Variants in GBP7 observed in about 807,000 individuals in gnomAD.
GBP7 encodes guanylate-binding protein 7.
In GBP7, 43 loss-of-function variants were observed where a neutral mutation model predicts 61.3. That is an observed-to-expected ratio of 0.70 (90% CI 0.55 to 0.91). The LOEUF (loss-of-function observed/expected upper bound fraction) is 0.91, where lower values mean the gene tolerates loss of function less well. Ranked by LOEUF, GBP7 falls within the 40% of genes least tolerant of loss-of-function variation. The probability of loss-of-function intolerance (pLI) is 0.00; values close to 1 mark genes in which losing one functional copy is unlikely to be tolerated. For synonymous variants in GBP7, 267 were observed against 271.0 expected (o/e 0.99, Z 0.14); for missense variants, 717 against 740.5 (o/e 0.97, Z 0.37).
intron 3 of GBP7, among the ~76,000 whole-genome samples, chr1:89,157,943 A>G (rs922465006): frequency 7.9e-5 from 12 of 152,220 alleles, no homozygotes; most frequent in African/African-American, 2.9e-4. Flanking sequence ...CCTGATGAAC[A>G]TCAGTGCAAA....
chr1:89,149,473 G>A lies in GBP7; in HGVS notation c.971C>T (p.Ser324Leu), dbSNP rs746954697. The stretch of plus-strand genomic sequence containing the variant: ...GTTGGCTGCCCTCTGCACGGCTGCT[G>A]AGTTCTCACACTGGGCCAGAACTGC... ...AMAVLAQCEN[S>L]AAVQRAANHY... is the part of the protein sequence containing the mutation. Residue 324 changes from serine to leucine, a missense_variant, in exon 7 of 11, where the codon TCA (serine) becomes TTA (leucine). This residue lies in a region of GBP7 where 387 missense variants were observed against 385.2 expected (regional missense o/e 1.00). Transcript: ENST00000294671. 6.1e-5 allele frequency: 98 copies of A among 1,614,026 alleles called. 1 individual carries two copies. Among genetic ancestry groups the A allele is most frequent in the Non-Finnish European group, 6.8e-6 (8 of 1,180,036 alleles).
chr1:89,149,273 A>G lies in GBP7; in HGVS notation c.1152+19T>C, dbSNP rs1682135943. On this transcript the variant is annotated intron_variant, in intron 7 of 10. Transcript: ENST00000294671. ...CCAGAAAGGCAGGAATCAAGAAAAA[A>G]AAAAATAACAAAGATTACCACAAGC... 6.3e-7 allele frequency: 1 copy of G among 1,576,028 alleles called. No individual in the cohort carries two copies. Among genetic ancestry groups the G allele is most frequent in the African/African-American group, 1.4e-5 (1 of 73,126 alleles).
At chr1:89,142,184 T>C (rs992180267) in intron 8 of GBP7, among the ~76,000 whole-genome samples, 1 of 146,694 alleles carries the variant, frequency 6.8e-6, no homozygotes, top group Non-Finnish European at 1.5e-5. Flanking sequence ...GTTAAAACCT[T>C]AAAAAGACCG....
intron 3 of GBP7, among the ~76,000 whole-genome samples, chr1:89,162,007 C>G (rs1268010118): frequency 2.0e-5 from 3 of 149,284 alleles, no homozygotes; most frequent in African/African-American, 7.4e-5. Flanking sequence ...GTTATCCCAG[C>G]ACCATTTATT....
At chr1:89,135,628 T>A (rs1681782561) in intron 9 of GBP7, among the ~76,000 whole-genome samples, 1 of 152,138 alleles carries the variant, frequency 6.6e-6, no homozygotes, top group Non-Finnish European at 1.5e-5. Flanking sequence ...AAATCCTTTT[T>A]AGACAAGCAA....
intron 1 of GBP7, among the ~76,000 whole-genome samples, chr1:89,174,450 C>T (rs917066953): frequency 6.6e-6 from 1 of 152,146 alleles, no homozygotes; most frequent in African/African-American, 2.4e-5. Context: ...ACAAAATTTC[C>T]TTTGGAAGCT....
Position 89,168,950 on chromosome 1 carries a change from CAA to C in GBP7, c.190+2794_190+2795del, listed in dbSNP as rs1647520923. The stretch of plus-strand genomic sequence containing the variant: ...CGCCATTGCACTCCAGCCTGGGCAA[CAA>C]GAGCGAAACTCCGCCTCAAGTTAAA... On this transcript the variant is annotated intron_variant, in intron 2 of 10. Coordinates refer to ENST00000294671, the MANE Select transcript of GBP7 (RefSeq NM_207398.3). Among the ~76,000 whole-genome samples the C allele has an allele frequency of 2.7e-5, 4 of 148,890 alleles. No homozygotes were observed. In the South Asian group the frequency reaches 8.5e-4, roughly 32 times the overall value.
In GBP7 at chr1:89,152,422, G is replaced by C; in HGVS notation, c.471C>G (p.Cys157Trp). The C allele has an allele frequency of 2.5e-6, 4 of 1,614,132 alleles. No individual in the cohort carries two copies. In the South Asian group the frequency reaches 3.3e-5, roughly 13 times the overall value. Reference protein sequence around the residue: ...ELTELIRAKSCPRPDEVEDSS... With the variant: ...ELTELIRAKSWPRPDEVEDSS... ...AGTCCTCAACTTCATCAGGTCTGGG[G>C]CACGATTTTGCCCTGATTAGCTCTG... The change falls in exon 5 of 11, where the codon TGC (cysteine) becomes TGG (tryptophan). Residue 157 changes from cysteine (C) to tryptophan (W), a missense_variant. Transcript: ENST00000294671.
At chr1:89,141,452 G>C (rs1408659825) in intron 9 of GBP7, 94 bp downstream of exon 9, 3 of 1,056,762 alleles carry the variant, frequency 2.8e-6, no homozygotes, top group Admixed American at 2.1e-5. Context: ...TGAGAAGAAA[G>C]CTCCTGGTAT....
intron 2 of GBP7, among the ~76,000 whole-genome samples, chr1:89,170,852 C>T (rs74098341): frequency 0.043 from 6,510 of 152,256 alleles, 449 homozygotes; most frequent in African/African-American, 0.15. Flanking sequence ...CACAATCTTG[C>T]AAGTGGCCTT....
chr1:89,133,404 T>G lies in GBP7; in HGVS notation c.1516A>C (p.Arg506=), dbSNP rs776600889. ...TGCTGCTGTTCCTTCTGTTTTTGTC[T>G]TAGCAGCTCCTGTTCCTTTTCAGCT... ...EAAEKEQELL[R]QKQKEQQQMM... is the part of the protein sequence containing the mutation. Residue 506 remains arginine (R), a synonymous_variant, in exon 10 of 11, where the codon AGA becomes CGA. Coordinates refer to ENST00000294671, the MANE Select transcript of GBP7 (RefSeq NM_207398.3). 12 of 1,614,032 alleles carry G rather than the reference T, an allele frequency of 7.4e-6. No individual in the cohort carries two copies. Among genetic ancestry groups the G allele is most frequent in the Non-Finnish European group, 9.3e-6 (11 of 1,180,016 alleles).
chr1:89,137,737 A>G (rs761110857), intron 9 of GBP7, among the ~76,000 whole-genome samples: 20 of 152,222 alleles, frequency 1.3e-4, no homozygotes, highest in Non-Finnish European at 2.6e-4. Context: ...TTGAGAACCA[A>G]AAACAGACAA....
At chr1:89,159,277 A>C (rs894488974) in intron 3 of GBP7, among the ~76,000 whole-genome samples, 2 of 152,180 alleles carry the variant, frequency 1.3e-5, no homozygotes, top group Non-Finnish European at 2.9e-5. Flanking sequence ...AACCTAGGCA[A>C]TACCATTCAG....
At position 89,175,412 on chromosome 1, in the gene GBP7, A is replaced by C. The variant is rs147505255; in HGVS notation, c.-20+509T>G. 3.0e-3 allele frequency among the ~76,000 whole-genome samples: 458 copies of C among 152,328 alleles called. 3 individuals carry two copies. The highest frequency in any genetic ancestry group is 0.01 in the African/African-American group (422 of 41,586). On this transcript the variant is annotated intron_variant, in intron 1 of 10. Transcript: ENST00000294671. ...AAAGATTGGGTATCTATGGAAGATG[A>C]GTGAAAACAGAGTATGCGTCTGTCC... is the stretch of plus-strand genomic sequence containing the variant.
At chr1:89,140,753 G>A (rs1681920695) in intron 9 of GBP7, among the ~76,000 whole-genome samples, 1 of 152,120 alleles carries the variant, frequency 6.6e-6, no homozygotes, top group East Asian at 1.9e-4. Flanking sequence ...GAATGTGCAT[G>A]TTCATCGGTG....
chr1:89,168,261 A>C (rs867685414), intron 2 of GBP7, among the ~76,000 whole-genome samples: 4 of 152,180 alleles, frequency 2.6e-5, no homozygotes, highest in African/African-American at 9.7e-5. Context: ...GAACTAGATA[A>C]GTATTTATAA....
At chr1:89,166,689 A>G (rs1417214316) in intron 2 of GBP7, among the ~76,000 whole-genome samples, 1 of 152,252 alleles carries the variant, frequency 6.6e-6, no homozygotes, top group East Asian at 1.9e-4. Flanking sequence ...GCTCTCGCAC[A>G]CACTTTCCTG....
At chr1:89,166,629 T>A (rs906136299) in intron 2 of GBP7, among the ~76,000 whole-genome samples, 1 of 152,210 alleles carries the variant, frequency 6.6e-6, no homozygotes, top group African/African-American at 2.4e-5. Flanking sequence ...GTTGTCAGCA[T>A]CAAAATGCCA....
At chr1:89,145,629 G>T (rs1213746743) in intron 8 of GBP7, among the ~76,000 whole-genome samples, 2 of 152,102 alleles carry the variant, frequency 1.3e-5, no homozygotes, top group Admixed American at 6.5e-5. Context: ...ATTCAGCAAA[G>T]TTGGAGGATA....
Sources: allele counts gnomAD v4.1 joint callset (sites outside exome capture counted in the v4.1 genomes callset), GRCh38; gene constraint gnomAD v4.1.1; regional missense constraint gnomAD v4.1.1; transcripts MANE v1.5; gene names NCBI Gene and HGNC (gene_info 2026-07-23, HGNC 2026-07-21).